CIZ1: variants seen among roughly 807,000 people sequenced by gnomAD.
The protein encoded by CIZ1 is cip1-interacting zinc finger protein.
CIZ1 carries 58 observed loss-of-function variants against 118.6 expected under a neutral mutation model. The observed-to-expected ratio is 0.49, with a 90% CI of 0.40 to 0.61. The LOEUF is 0.61. CIZ1 is among the 20% of genes least tolerant of loss of function. CIZ1 has a pLI of 0.00. For synonymous variants in CIZ1, 448 were observed against 443.4 expected, an observed-to-expected ratio of 1.01 and a Z score of -0.13; for missense variants, 921 against 1,115.9, an observed-to-expected ratio of 0.83 and a Z score of 2.49.
chr9:128,187,986 C>A, intron 3 of CIZ1, 52 bp from the exon 4 acceptor site: 1 of 588,780 alleles, frequency 1.7e-6, no homozygotes, highest in Non-Finnish European at 3.2e-6. Flanking sequence ...AACATCCATC[C>A]CCCCTGACTC....
intron 1 of CIZ1, among the ~76,000 whole-genome samples, chr9:128,201,893 C>T (rs182873030): frequency 1.3e-5 from 2 of 152,284 alleles, no homozygotes; most frequent in East Asian, 1.9e-4. Flanking sequence ...CCTGCTTGTT[C>T]CCCATGCCTG....
upstream of CIZ1, among the ~76,000 whole-genome samples, chr9:128,195,780 T>G (rs977943620): frequency 8.5e-5 from 13 of 152,222 alleles, no homozygotes; most frequent in African/African-American, 2.9e-4. Context: ...TTAAAAAATT[T>G]TTGCTAATTC....
chr9:128,175,032 G>T (rs1216881617), intron 11 of CIZ1, among the ~76,000 whole-genome samples: 1 of 152,178 alleles, frequency 6.6e-6, no homozygotes, highest in Non-Finnish European at 1.5e-5. Flanking sequence ...TTGGGAGAGG[G>T]TTTGATGAAT....
At chr9:128,194,300 T>C (rs1273763022), upstream of CIZ1, among the ~76,000 whole-genome samples, 3 of 143,472 alleles carry the variant, frequency 2.1e-5, no homozygotes, top group African/African-American at 5.3e-5. Flanking sequence ...AGCCGGAGGT[T>C]GCAGTGAGCC....
chr9:128,191,523 G>A lies in CIZ1; in HGVS notation c.-97C>T, dbSNP rs867156886. ...CGCCTCGGCCGGGCGGCTCCGGCCC[G>A]CGGGCTCCCGGCCTCCCCGCTGCTA... On this transcript the variant is annotated 5_prime_UTR_variant, in exon 1 of 17. Coordinates refer to ENST00000372938, the MANE Select transcript of CIZ1 (RefSeq NM_001131016.2). The surrounding 1 kb of genome is among the most constrained non-coding windows in gnomAD (Gnocchi z 5.5). The A allele has an allele frequency of 7.7e-5, 78 of 1,013,718 alleles. No homozygotes were observed. In the Middle Eastern group the frequency reaches 2.4e-3, roughly 31 times the overall value. 62.8% of individuals were successfully genotyped at this position (1,013,718 alleles called of 1,614,324 possible).
rs755243295 is a variant in CIZ1, at chr9:128,190,424, G to T, written c.191C>A (p.Pro64Gln). The T allele has an allele frequency of 1.9e-6, 3 of 1,613,352 alleles. No homozygotes were observed. The highest frequency in any genetic ancestry group is 2.5e-6 in the Non-Finnish European group (3 of 1,179,596). Residue 64 changes from proline (P) to glutamine (Q), a missense_variant, in exon 3 of 17, where the codon CCA (proline) becomes CAA (glutamine). By Grantham distance (76) the Pro-to-Gln change is moderately conservative (BLOSUM62 -1). Coordinates refer to ENST00000372938, the MANE Select transcript of CIZ1 (RefSeq NM_001131016.2). ...AVSRGLPPQQPQQPLLNLQGT... is the reference protein window; with the variant it reads ...AVSRGLPPQQQQQPLLNLQGT... ...CTGGAGATTCAGAAGCGGCTGCTGT[G>T]GCTGCTGCGGGGGGAGCCCCCTGTG...
At chr9:128,174,396 G>A (rs1308642105) in intron 11 of CIZ1, among the ~76,000 whole-genome samples, 1 of 152,188 alleles carries the variant, frequency 6.6e-6, no homozygotes, top group Non-Finnish European at 1.5e-5. Context: ...TGGGGCTGTG[G>A]GTACCTGGTG....
At chr9:128,186,273 G>A (rs1194216268) in intron 4 of CIZ1, among the ~76,000 whole-genome samples, 1 of 152,042 alleles carries the variant, frequency 6.6e-6, no homozygotes, top group African/African-American at 2.4e-5. Flanking sequence ...CTCTACCGAT[G>A]ACAAAACGGA....
In CIZ1 at chr9:128,190,728, G is replaced by A; in HGVS notation, c.130C>T (p.Gln44Ter). Residue 44 changes from glutamine to a stop codon, truncating the protein, a stop_gained, in exon 2 of 17, where the codon CAG (glutamine) becomes TAG (stop). Coordinates refer to ENST00000372938, the MANE Select transcript of CIZ1 (RefSeq NM_001131016.2). LOFTEE classifies it high-confidence loss of function. ...QLLQLQQLLQ[Q>*]SPPQAPLPMA... ...GGCAACGGGGCCTGTGGTGGGGACT[G>A]CTGGAGCAGCTGCTGGAGCTGCAGT... 1 of 1,550,108 alleles carries A rather than the reference G, an allele frequency of 6.5e-7. No individual in the cohort carries two copies. Among genetic ancestry groups the A allele is most frequent in the East Asian group, 2.4e-5 (1 of 41,248 alleles).
At chr9:128,173,440 C>T (rs532982770) in intron 11 of CIZ1, among the ~76,000 whole-genome samples, 32 of 151,796 alleles carry the variant, frequency 2.1e-4, no homozygotes, top group African/African-American at 7.2e-4. Context: ...CTACCGCGCC[C>T]GGCCGGCTAA....
chr9:128,180,128 T>G (rs1831387362), intron 7 of CIZ1, among the ~76,000 whole-genome samples: 3 of 152,178 alleles, frequency 2.0e-5, no homozygotes, highest in Admixed American at 6.5e-5. Context: ...GCTTTGTAAA[T>G]GGCCTGCCCA....
chr9:128,191,866 C>T (rs1479064665), upstream of CIZ1: 5 of 1,465,938 alleles, frequency 3.4e-6, no homozygotes, highest in African/African-American at 5.8e-5. The surrounding 1 kb of genome is among the most constrained non-coding windows in gnomAD (Gnocchi z 5.5). Flanking sequence ...TCCCTGCGGC[C>T]GCCGCGGTCC....
In CIZ1 at chr9:128,177,671, G is replaced by T; in HGVS notation, c.1713C>A (p.Arg571=). The T allele has an allele frequency of 6.2e-7, 1 of 1,601,292 alleles. No individual in the cohort carries two copies. Among genetic ancestry groups the T allele is most frequent in the East Asian group, 2.3e-5 (1 of 44,242 alleles). Residue 571 remains arginine (R), a synonymous_variant, in exon 10 of 17, where the codon CGC becomes CGA. Coordinates refer to ENST00000372938, the MANE Select transcript of CIZ1 (RefSeq NM_001131016.2). The stretch of plus-strand genomic sequence containing the variant: ...GGGTGGAGGAGACGGAGTCACTGGG[G>T]CGGGGGACAGGTGTCAGGGGTACAG... The part of the protein sequence containing the change: ...FSTVPLTPVP[R]PSDSVSSTPA...
At chr9:128,192,070 T>G, upstream of CIZ1, 1 of 543,004 alleles carries the variant, frequency 1.8e-6, no homozygotes, top group Non-Finnish European at 2.9e-6. Context: ...AAGGAAGGAG[T>G]AGGTGAGGAG....
intron 2 of CIZ1, 84 bp downstream of exon 2, chr9:128,190,604 G>A: frequency 2.0e-6 from 3 of 1,493,160 alleles, no homozygotes; most frequent in East Asian, 2.5e-5. Context: ...GGATGGCACT[G>A]GGAAAAAGGA....
chr9:128,202,615 T>C (rs1208159128), intron 1 of CIZ1: 2 of 152,170 alleles, frequency 1.3e-5, no homozygotes, highest in Non-Finnish European at 2.9e-5. Flanking sequence ...TCTTCTCAAA[T>C]GTCACTTCTG....
At chr9:128,181,009 G>A (rs1020919805) in intron 5 of CIZ1, among the ~76,000 whole-genome samples, 195 bp from the exon 6 acceptor site, 1 of 152,156 alleles carries the variant, frequency 6.6e-6, no homozygotes, top group Non-Finnish European at 1.5e-5. Context: ...ATTCTACCTA[G>A]TTGTCTGTTA....
upstream of CIZ1, among the ~76,000 whole-genome samples, chr9:128,192,975 C>T (rs1588276232): frequency 6.6e-6 from 1 of 152,312 alleles, no homozygotes; most frequent in Admixed American, 6.5e-5. Context: ...GGCGCGCAGA[C>T]CCGGGCAGGC....
chr9:128,180,395 A>G lies in CIZ1; in HGVS notation c.791+20T>C. 6.3e-7 allele frequency: 1 copy of G among 1,592,554 alleles called. No homozygotes were observed. Among genetic ancestry groups the G allele is most frequent in the Non-Finnish European group, 8.6e-7 (1 of 1,160,798 alleles). On this transcript the variant is annotated intron_variant, in intron 7 of 16. Coordinates refer to ENST00000372938, the MANE Select transcript of CIZ1 (RefSeq NM_001131016.2). ...AGCACAGGGCACCCGGGCGCAGGTC[A>G]GGTTTTCAGCATCAGTTACCTCCTC...
Sources: gnomAD v4.1 joint callset for allele counts (sites outside exome capture counted in the v4.1 genomes callset) on GRCh38, gnomAD v4.1.1 for gene constraint, Gnocchi (gnomAD v3.1) non-coding constraint, MANE v1.5 for transcripts, NCBI Gene and HGNC (gene_info 2026-07-23, HGNC 2026-07-21) for gene names.